Variants in ZSWIM8 observed in about 807,000 individuals in gnomAD.
ZSWIM8 encodes zinc finger SWIM domain-containing protein 8.
Under a neutral mutation model 173.7 loss-of-function variants are expected in ZSWIM8, and 27 were observed. The ratio of observed to expected loss-of-function variants is 0.16; its 90% CI spans 0.11 to 0.21. The LOEUF is 0.21. ZSWIM8 is among the 10% of genes least tolerant of loss of function. ZSWIM8 has a pLI of 1.00. For synonymous variants in ZSWIM8, 958 were observed against 962.0 expected, an observed-to-expected ratio of 1.00 and a Z score of 0.08; for missense variants, 1,627 against 2,428.8, an observed-to-expected ratio of 0.67 and a Z score of 6.94.
chr10:73,795,203 G>T (rs1426475686), intron 14 of ZSWIM8, among the ~76,000 whole-genome samples: 1 of 152,174 alleles, frequency 6.6e-6, no homozygotes, highest in African/African-American at 2.4e-5. Context: ...GTAGAATATG[G>T]AATGTGGGTT....
In ZSWIM8 at chr10:73,801,283, A is replaced by T. The variant is rs1355428789; in HGVS notation, c.5302-33A>T. The T allele has an allele frequency of 6.2e-7, 1 of 1,611,398 alleles. No individual in the cohort carries two copies. The highest frequency in any genetic ancestry group is 8.5e-7 in the Non-Finnish European group (1 of 1,178,210). ...GGCAGGGCCTGTTTCTGTGCTTTGT[A>T]CTAAGGCTCATCCTGCACACATCCT... is the stretch of plus-strand genomic sequence containing the variant. On this transcript the variant is annotated intron_variant, in intron 25 of 25. Transcript: ENST00000604729. The surrounding 1 kb of genome is among the most constrained non-coding windows in gnomAD (Gnocchi z 4.9).
chr10:73,796,347 T>C, intron 15 of ZSWIM8: 1 of 424,688 alleles, frequency 2.4e-6, no homozygotes, highest in Non-Finnish European at 4.6e-6. Context: ...AGACCCTGTC[T>C]CTTAAAAAAA....
rs1320002225 is a variant in ZSWIM8, at chr10:73,792,750, G to C, written c.2211G>C (p.Gln737His). 4 of 1,613,190 alleles carry C rather than the reference G, an allele frequency of 2.5e-6. No individual in the cohort carries two copies. In the African/African-American group the frequency reaches 5.3e-5, roughly 22 times the overall value. The change falls in exon 10 of 26, where the codon CAG becomes CAC. Residue 737 changes from glutamine (Q) to histidine (H), a missense_variant. Transcript: ENST00000604729. The surrounding 1 kb of genome is among the most constrained non-coding windows in gnomAD (Gnocchi z 4.3). Reference sequence around the variant, plus strand: ...ACCAGGCGTACTATCTGAATGCCCAGGATGGGGCTGGGGGCGAGGAAGAGA... The same window carrying C: ...ACCAGGCGTACTATCTGAATGCCCACGATGGGGCTGGGGGCGAGGAAGAGA... ...DDYQAYYLNA[Q>H]DGAGGEEEKA...
chr10:73,796,749 G>A, intron 15 of ZSWIM8, 25 bp from the exon 16 acceptor site: 1 of 1,609,422 alleles, frequency 6.2e-7, no homozygotes, highest in Non-Finnish European at 8.5e-7. Flanking sequence ...CTGCTTCTCT[G>A]GAGGTCACTG....
chr10:73,786,345 TGCGCGCGCGCGCGTGC>T lies in ZSWIM8; in HGVS notation c.208+266_208+281del, dbSNP rs1226050343. ...GTGTGTGGGTGTGTGTGTGTGTGTG[TGCGCGCGCGCGCGTGC>T]GCGCGCTGTGACAGGGAGATCCTGT... is the stretch of plus-strand genomic sequence containing the variant. On this transcript the variant is annotated intron_variant, in intron 1 of 25. Transcript: ENST00000604729. The T allele has an allele frequency of 5.0e-5, 18 of 359,510 alleles. No homozygotes were observed. The East Asian group carries it at 7.2e-4, about 14-fold the overall frequency. 22.3% of individuals were successfully genotyped at this position (359,510 alleles called of 1,614,324 possible).
chr10:73,797,318 G>A lies in ZSWIM8; in HGVS notation c.3433+47G>A. On this transcript the variant is annotated intron_variant, in intron 17 of 25. Coordinates refer to ENST00000604729, the MANE Select transcript of ZSWIM8 (RefSeq NM_001367799.1). The surrounding 1 kb of genome is among the most constrained non-coding windows in gnomAD (Gnocchi z 5.6). ...CATAGAGGGAAGGATAATCCTGAAG[G>A]TTGGAGTCTTAACATCTGGGACTCC... is the stretch of plus-strand genomic sequence containing the variant. 4.3e-6 allele frequency: 7 copies of A among 1,613,094 alleles called. No individual in the cohort carries two copies. Among genetic ancestry groups the A allele is most frequent in the Non-Finnish European group, 5.9e-6 (7 of 1,179,274 alleles).
At position 73,798,428 on chromosome 10, in the gene ZSWIM8, G is replaced by C; in HGVS notation, c.4151G>C (p.Arg1384Pro). ...AHALNPNEIQ[R>P]ALVQCKEQDN... Reference sequence around the variant, plus strand: ...GCATTGAACCCTAATGAGATCCAGCGGGCCCTGGTGCAGTGCAAGGAACAG... The same window carrying C: ...GCATTGAACCCTAATGAGATCCAGCCGGCCCTGGTGCAGTGCAAGGAACAG... The change falls in exon 20 of 26, where the codon CGG becomes CCG. Residue 1384 changes from arginine to proline, a missense_variant. Transcript: ENST00000604729. The C allele has an allele frequency of 6.2e-7, 1 of 1,613,914 alleles. No homozygotes were observed. The highest frequency in any genetic ancestry group is 1.1e-5 in the South Asian group (1 of 91,066).
In ZSWIM8 at chr10:73,797,681, T is replaced by C; in HGVS notation, c.3662+76T>C. ...CACACCCCTAGTGCAATCCAACCAT[T>C]GTCTCCCAGCATCCTCACTTTCCCT... On this transcript the variant is annotated intron_variant, in intron 18 of 25. Coordinates refer to ENST00000604729, the MANE Select transcript of ZSWIM8 (RefSeq NM_001367799.1). This position sits in a 1 kb window ranked among gnomAD's most constrained non-coding sequence, Gnocchi z 5.6. 3 of 1,571,358 alleles carry C rather than the reference T, an allele frequency of 1.9e-6. No homozygotes were observed. The highest frequency in any genetic ancestry group is 2.6e-6 in the Non-Finnish European group (3 of 1,153,922).
chr10:73,801,767 AAATAT>A lies in ZSWIM8; in HGVS notation c.*250_*254del. The A allele has an allele frequency of 6.7e-7, 1 of 1,488,040 alleles. No homozygotes were observed. Among genetic ancestry groups the A allele is most frequent in the Non-Finnish European group, 8.9e-7 (1 of 1,121,338 alleles). The allele number at this position is 1,488,040 out of a possible 1,614,324, so 92.2% of individuals were successfully genotyped here. ...CCTCTGGTATTTATTTGGCATTTATAAATATATAAACTCCTTTTTTACTCTAGTCG... is the reference window on the plus strand; with the variant it reads ...CCTCTGGTATTTATTTGGCATTTATAATAAACTCCTTTTTTACTCTAGTCG... On this transcript the variant is annotated 3_prime_UTR_variant, in exon 26 of 26. Transcript: ENST00000604729. This position sits in a 1 kb window ranked among gnomAD's most constrained non-coding sequence, Gnocchi z 4.9.
Position 73,794,296 on chromosome 10 carries a change from G to C in ZSWIM8, c.2775G>C (p.Leu925=), listed in dbSNP as rs1338493413. 7 of 1,613,852 alleles carry C rather than the reference G, an allele frequency of 4.3e-6. No homozygotes were observed. The highest frequency in any genetic ancestry group is 1.3e-5 in the African/African-American group (1 of 74,918). ...ATCGGCCTGTGTTGCCTCTCATGCTGGCCAGTTTCATCTTTGACGTTCTCT... is the reference window on the plus strand; with the variant it reads ...ATCGGCCTGTGTTGCCTCTCATGCTCGCCAGTTTCATCTTTGACGTTCTCT... ...CDYRPVLPLM[L]ASFIFDVLCA... Residue 925 remains leucine (L), a synonymous_variant, in exon 13 of 26, where the codon CTG becomes CTC. Coordinates refer to ENST00000604729, the MANE Select transcript of ZSWIM8 (RefSeq NM_001367799.1).
intron 14 of ZSWIM8, 76 bp from the exon 15 acceptor site, chr10:73,795,463 G>C: frequency 6.3e-7 from 1 of 1,586,888 alleles, no homozygotes; most frequent in Non-Finnish European, 8.6e-7. Flanking sequence ...GATGGCTTGG[G>C]AACCCTGGCC....
Position 73,791,884 on chromosome 10 carries a change from C to T in ZSWIM8, c.1345C>T (p.Arg449Trp), listed in dbSNP as rs201390871. 157 of 1,539,716 alleles carry T rather than the reference C, an allele frequency of 1.0e-4. No homozygotes were observed. The highest frequency in any genetic ancestry group is 1.7e-4 in the Middle Eastern group (1 of 5,938). Reference sequence around the variant, plus strand: ...GCGCCGGGAACTGTGTACGCAGCTGCGGCAGTGGCAACTGAAGGTGATTGA... The same window carrying T: ...GCGCCGGGAACTGTGTACGCAGCTGTGGCAGTGGCAACTGAAGGTGATTGA... The part of the protein sequence containing the change: ...QRRRELCTQL[R>W]QWQLKVIENV... Residue 449 changes from arginine to tryptophan, a missense_variant, in exon 10 of 26, where the codon CGG (arginine) becomes TGG (tryptophan). By Grantham distance (101) the Arg-to-Trp change is moderately radical. Around this residue, in one of 18 missense-constraint regions of ZSWIM8, gnomAD observed 103 missense variants for 155.6 expected, o/e 0.66. Transcript: ENST00000604729. The surrounding 1 kb of genome is among the most constrained non-coding windows in gnomAD (Gnocchi z 6.0).
In ZSWIM8 at chr10:73,792,483, T is replaced by C. The variant is rs562520463; in HGVS notation, c.1944T>C (p.Pro648=). 1.1e-5 allele frequency: 18 copies of C among 1,612,338 alleles called. 1 individual carries two copies. The South Asian group carries it at 2.0e-4, about 18-fold the overall frequency. The part of the protein sequence containing the change: ...GGFPESPPPC[P]LHGGSRGPST... ...TCCCTGAGAGCCCTCCACCCTGTCC[T>C]CTCCACGGTGGCTCCCGAGGCCCTT... The change falls in exon 10 of 26, where the codon CCT becomes CCC. Residue 648 remains proline (P), a synonymous_variant. Coordinates refer to ENST00000604729, the MANE Select transcript of ZSWIM8 (RefSeq NM_001367799.1). This position sits in a 1 kb window ranked among gnomAD's most constrained non-coding sequence, Gnocchi z 4.3.
rs757823198 is a variant in ZSWIM8, at chr10:73,801,148, C to T, written c.5254C>T (p.Pro1752Ser). The change falls in exon 25 of 26, where the codon CCG becomes TCG. Residue 1752 changes from proline to serine, a missense_variant. Pro to Ser is a moderately conservative substitution (Grantham distance 74). Transcript: ENST00000604729. This position sits in a 1 kb window ranked among gnomAD's most constrained non-coding sequence, Gnocchi z 4.9. ...TCATGCCCACAACCACCTGCGTGCC[C>T]CGGCCTTCCACCAACTGGTGCAGCG... ...PAHAHNHLRA[P>S]AFHQLVQRCQ... 3.1e-6 allele frequency: 5 copies of T among 1,594,162 alleles called. No individual in the cohort carries two copies. In the South Asian group the frequency reaches 4.6e-5, roughly 15 times the overall value.
Position 73,789,140 on chromosome 10 carries a change from G to A in ZSWIM8, c.407G>A (p.Arg136Gln). ...LANGSADEFQ[R>Q]GDQLFRMRAV... ...AATGGCAGTGCGGATGAGTTTCAGC[G>A]AGGGGATCAGCTCTTCCGCATGCGG... is the stretch of plus-strand genomic sequence containing the variant. The change falls in exon 3 of 26, where the codon CGA becomes CAA. Residue 136 changes from arginine (R) to glutamine (Q), a missense_variant. Transcript: ENST00000604729. This position sits in a 1 kb window ranked among gnomAD's most constrained non-coding sequence, Gnocchi z 6.8. The A allele has an allele frequency of 6.2e-7, 1 of 1,614,000 alleles. No homozygotes were observed. The highest frequency in any genetic ancestry group is 8.5e-7 in the Non-Finnish European group (1 of 1,179,876).
chr10:73,796,169 T>C (rs2083643948), intron 15 of ZSWIM8, among the ~76,000 whole-genome samples: 1 of 151,140 alleles, frequency 6.6e-6, no homozygotes, highest in African/African-American at 2.4e-5. Flanking sequence ...GCCAACATAG[T>C]GAGACCCTGT....
chr10:73,796,420 G>C, intron 15 of ZSWIM8: 1 of 412,378 alleles, frequency 2.4e-6, no homozygotes, highest in Non-Finnish European at 4.6e-6. Flanking sequence ...AGGGAATCTT[G>C]GGGACATCTC....
At chr10:73,794,498 CATG>C (rs1489674760) in intron 13 of ZSWIM8, 40 bp from the exon 14 acceptor site, 3 of 1,565,430 alleles carry the variant, frequency 1.9e-6, no homozygotes, top group Admixed American at 3.8e-5. Flanking sequence ...TTTTCCCATG[CATG>C]ATACTTCTGT....
At position 73,799,156 on chromosome 10, in the gene ZSWIM8, C is replaced by T. The variant is rs780220848; in HGVS notation, c.4331C>T (p.Thr1444Ile). 13 of 1,612,632 alleles carry T rather than the reference C, an allele frequency of 8.1e-6. No homozygotes were observed. Among genetic ancestry groups the T allele is most frequent in the Non-Finnish European group, 9.3e-6 (11 of 1,179,300 alleles). ...TCATCCACAGCCCGTGAAGGGGCTA[C>T]AAGCTGTAGTGCCAGTGGGATCAGG... ...GGSSTAREGA[T>I]SCSASGIRAG... The change falls in exon 21 of 26, where the codon ACA (threonine) becomes ATA (isoleucine). Residue 1444 changes from threonine to isoleucine, a missense_variant. Around this residue, in one of 18 missense-constraint regions of ZSWIM8, gnomAD observed 275 missense variants for 290.1 expected, o/e 0.95. Transcript: ENST00000604729.
Sources: allele counts gnomAD v4.1 joint callset (sites outside exome capture counted in the v4.1 genomes callset), GRCh38; gene constraint gnomAD v4.1.1; regional missense constraint gnomAD v4.1.1; non-coding constraint Gnocchi (gnomAD v3.1); transcripts MANE v1.5; gene names NCBI Gene and HGNC (gene_info 2026-07-23, HGNC 2026-07-21).